Variants in SAMD12 observed in about 807,000 individuals in gnomAD.
SAMD12 encodes the protein sterile alpha motif domain-containing protein 12.
Under a neutral mutation model 15.0 loss-of-function variants are expected in SAMD12, and 9 were observed. That is an observed-to-expected ratio of 0.60 (90% CI 0.36 to 1.05). SAMD12 has a LOEUF of 1.05. Among genes scored for constraint, SAMD12 ranks in the 50% least tolerant of loss-of-function variants. The pLI, the probability that SAMD12 is intolerant of heterozygous loss-of-function variation, is 0.01. For missense variants in SAMD12, 230 were observed against 234.2 expected (o/e 0.98, Z 0.12); for synonymous variants, 86 against 90.1 (o/e 0.96, Z 0.25).
chr8:118,381,332 T>C (rs1352019400), intron 3 of SAMD12, among the ~76,000 whole-genome samples: 1 of 152,104 alleles, frequency 6.6e-6, no homozygotes, highest in Non-Finnish European at 1.5e-5. Flanking sequence ...CTGGTGGTCA[T>C]GAGAAAAGGA....
At chr8:118,617,858 C>A (rs1425671117) in intron 1 of SAMD12, among the ~76,000 whole-genome samples, 1 of 152,100 alleles carries the variant, frequency 6.6e-6, no homozygotes, top group African/African-American at 2.4e-5. Context: ...CCACATTTTT[C>A]TTCTCCCTGA....
intron 2 of SAMD12, among the ~76,000 whole-genome samples, chr8:118,469,165 A>T (rs1823686166): frequency 6.6e-6 from 1 of 151,992 alleles, no homozygotes; most frequent in Admixed American, 6.6e-5. Flanking sequence ...TGCCATTCAG[A>T]TGCCCCTTAG....
At position 118,422,727 on chromosome 8, in the gene SAMD12, G is replaced by C. The variant is rs531696474; in HGVS notation, c.322+17105C>G. Among the ~76,000 whole-genome samples the C allele has an allele frequency of 2.0e-4, 31 of 152,332 alleles. No individual in the cohort carries two copies. In the Middle Eastern group the frequency reaches 0.01, roughly 50 times the overall value. ...ATGAGGCAGGATCATAGGAAGAAGAGAGACTAAATGGTTCTGTCTGTGAAA... is the reference window on the plus strand; with the variant it reads ...ATGAGGCAGGATCATAGGAAGAAGACAGACTAAATGGTTCTGTCTGTGAAA... On this transcript the variant is annotated intron_variant, in intron 3 of 3. Coordinates refer to ENST00000314727, the MANE Select transcript of SAMD12 (RefSeq NM_207506.3).
chr8:118,253,533 A>G (rs1812866091), intron 4 of SAMD12, among the ~76,000 whole-genome samples: 1 of 152,206 alleles, frequency 6.6e-6, no homozygotes, highest in Non-Finnish European at 1.5e-5. Flanking sequence ...GTTGCCTTGC[A>G]AACAGCAGGC....
At chr8:118,590,414 G>A (rs1392998135) in intron 1 of SAMD12, among the ~76,000 whole-genome samples, 3 of 152,186 alleles carry the variant, frequency 2.0e-5, no homozygotes, top group Admixed American at 6.5e-5. Flanking sequence ...TCTCCAAAAT[G>A]TCAGCTGAGA....
intron 4 of SAMD12, among the ~76,000 whole-genome samples, chr8:118,207,601 C>T (rs2129801478): frequency 6.6e-6 from 1 of 152,296 alleles, no homozygotes; most frequent in South Asian, 2.1e-4. Context: ...TTTCTAATTT[C>T]TCTCATTGCT....
chr8:118,279,697 A>G (rs1008980138), intron 4 of SAMD12, among the ~76,000 whole-genome samples: 4 of 152,370 alleles, frequency 2.6e-5, no homozygotes, highest in South Asian at 2.1e-4. Context: ...CTTTATATGC[A>G]TAAGAGGAAA....
intron 4 of SAMD12, among the ~76,000 whole-genome samples, chr8:118,264,789 GC>G (rs1211148115): frequency 1.3e-5 from 2 of 152,150 alleles, no homozygotes; most frequent in African/African-American, 4.8e-5. Flanking sequence ...TGACAGCATA[GC>G]AAGTGGAGAA....
chr8:118,158,361 G>T, the SAMD12 span, among the ~76,000 whole-genome samples: 1 of 152,230 alleles, frequency 6.6e-6, no homozygotes, highest in African/African-American at 2.4e-5. Context: ...AGCAGCTGCT[G>T]CAAAGACACC....
chr8:118,434,516 G>T (rs1032296453), intron 3 of SAMD12, among the ~76,000 whole-genome samples: 6 of 152,126 alleles, frequency 3.9e-5, no homozygotes, highest in African/African-American at 1.4e-4. Flanking sequence ...ACAGATAGAG[G>T]ATTTGAAGCC....
rs369956803 is a variant in SAMD12 at position 118,464,593 on chromosome 8, GAGAA to G, written c.193-24636_193-24633del. ...TTCTTCCAAAAGTCAAGAAGGTAAA[GAGAA>G]AGCCTTTTGAAAGTAGCATAAAGGA... On this transcript the variant is annotated intron_variant, in intron 2 of 3. Coordinates refer to ENST00000314727, the MANE Select transcript of SAMD12 (RefSeq NM_207506.3). Among the ~76,000 whole-genome samples, 64 of 152,278 alleles carry G rather than the reference GAGAA, an allele frequency of 4.2e-4. No homozygotes were observed. In the Middle Eastern group the frequency reaches 0.01, roughly 24 times the overall value.
intron 4 of SAMD12, among the ~76,000 whole-genome samples, chr8:118,368,347 A>G (rs1818906258): frequency 6.6e-6 from 1 of 152,218 alleles, no homozygotes; most frequent in South Asian, 2.1e-4. Context: ...GATTCCTATT[A>G]GGTTACTCAT....
At chr8:118,140,916 T>C in the SAMD12 span, among the ~76,000 whole-genome samples, 2 of 152,192 alleles carry the variant, frequency 1.3e-5, no homozygotes, top group Non-Finnish European at 2.9e-5. Flanking sequence ...CCTACCCCTG[T>C]CCCATGGCCT....
At chr8:118,340,881 T>G (rs1270145579) in intron 4 of SAMD12, among the ~76,000 whole-genome samples, 1 of 152,196 alleles carries the variant, frequency 6.6e-6, no homozygotes, top group Non-Finnish European at 1.5e-5. Flanking sequence ...ACAATTGAAG[T>G]AAAGCCAGAG....
At chr8:118,402,875 T>C (rs1056727741) in intron 3 of SAMD12, among the ~76,000 whole-genome samples, 7 of 152,196 alleles carry the variant, frequency 4.6e-5, no homozygotes, top group African/African-American at 1.7e-4. Flanking sequence ...TATTGATCTT[T>C]TATTGTTTTT....
exon 5 of SAMD12, chr8:118,197,210 T>G (rs1323294648): frequency 6.0e-6 from 1 of 165,472 alleles, no homozygotes; most frequent in Non-Finnish European, 1.3e-5. Context: ...ACAGTATACC[T>G]TTAGACATCA....
chr8:118,350,147 A>G (rs1241462530), intron 4 of SAMD12, among the ~76,000 whole-genome samples: 1 of 152,096 alleles, frequency 6.6e-6, no homozygotes, highest in Non-Finnish European at 1.5e-5. Flanking sequence ...AGAGCCCTTC[A>G]CCTATTACCA....
At chr8:118,481,586 T>C (rs1384173767) in intron 2 of SAMD12, among the ~76,000 whole-genome samples, 2 of 152,192 alleles carry the variant, frequency 1.3e-5, no homozygotes, top group Non-Finnish European at 1.5e-5. Context: ...GAGGGCCATT[T>C]TGATCTATTT....
chr8:118,498,123 A>G (rs569213478), intron 2 of SAMD12, among the ~76,000 whole-genome samples: 1 of 152,196 alleles, frequency 6.6e-6, no homozygotes, highest in African/African-American at 2.4e-5. Context: ...AGACATAGAC[A>G]TCATTCTTAG....
Sources: allele counts gnomAD v4.1 joint callset (sites outside exome capture counted in the v4.1 genomes callset), GRCh38; gene constraint gnomAD v4.1.1; transcripts MANE v1.5; gene names NCBI Gene and HGNC (gene_info 2026-07-23, HGNC 2026-07-21).